LRRC9: variants seen among roughly 807,000 people sequenced by gnomAD.
The protein encoded by LRRC9 is leucine rich repeat containing 9, also known as leucine-rich repeat-containing protein 9.
LRRC9 carries 122 observed loss-of-function variants against 63.2 expected under a neutral mutation model. The ratio of observed to expected loss-of-function variants is 1.93; its 90% CI spans 1.67 to 2.24. The LOEUF (loss-of-function observed/expected upper bound fraction) is 2.24. Among genes scored for constraint, LRRC9 ranks in the 30% most tolerant of loss-of-function variants. The pLI, the probability that LRRC9 is intolerant of heterozygous loss-of-function variation, is 0.00. For missense variants in LRRC9, 1,071 were observed against 627.7 expected, an observed-to-expected ratio of 1.71 and a Z score of -7.55; for synonymous variants, 366 against 213.1, an observed-to-expected ratio of 1.72 and a Z score of -6.25.
chr14:59,970,126 TCCAGTAGGCC>T (rs1410301329), intron 12 of LRRC9, among the ~76,000 whole-genome samples: 2 of 81,782 alleles, frequency 2.4e-5, no homozygotes, highest in African/African-American at 9.4e-5. Flanking sequence ...ACCCCCTCCC[TCCAGTAGGCC>T]CCAGTATCTG....
rs1415727819 is a variant in LRRC9 at position 59,966,551 on chromosome 14, ATTTTC to A, written c.1212-35_1212-31del. Reference sequence around the variant, plus strand: ...TTAAACATTTTAAGGAAAATCTATTATTTTCTTCATGTATATTCTGTATGTATTCC... The same window carrying A: ...TTAAACATTTTAAGGAAAATCTATTATTCATGTATATTCTGTATGTATTCC... On this transcript the variant is annotated intron_variant, in intron 10 of 31. Coordinates refer to ENST00000445360, the Ensembl canonical transcript of LRRC9. This position sits in a 1 kb window ranked among gnomAD's most constrained non-coding sequence, Gnocchi z 4.0. 3.8e-6 allele frequency: 2 copies of A among 530,982 alleles called. No individual in the cohort carries two copies. Among genetic ancestry groups the A allele is most frequent in the Middle Eastern group, 3.9e-4 (1 of 2,590 alleles). 32.9% of individuals were successfully genotyped at this position (530,982 alleles called of 1,614,324 possible).
At chr14:60,007,886 G>A (rs1889943074) in intron 22 of LRRC9, among the ~76,000 whole-genome samples, 4 of 147,720 alleles carry the variant, frequency 2.7e-5, no homozygotes, top group Admixed American at 2.0e-4. Context: ...GCTGCAATGA[G>A]CTATGATCAG....
intron 12 of LRRC9, chr14:59,969,302 G>C (rs191430330): frequency 2.0e-5 from 3 of 151,830 alleles, no homozygotes; most frequent in Admixed American, 6.6e-5. Flanking sequence ...CTTCCTTTTT[G>C]TTCCCCATTT....
chr14:59,955,631 T>C (rs1398073806), intron 8 of LRRC9, among the ~76,000 whole-genome samples: 1 of 152,196 alleles, frequency 6.6e-6, no homozygotes, highest in East Asian at 1.9e-4. Flanking sequence ...GTTTTTCATG[T>C]CTCTACCTCC....
chr14:60,008,265 A>G (rs1889977722), intron 23 of LRRC9, 51 bp downstream of exon 23: 1 of 639,422 alleles, frequency 1.6e-6, no homozygotes, highest in South Asian at 1.8e-5. Flanking sequence ...ATAGTCACAT[A>G]TTTATAGGAC....
At chr14:59,921,325 G>C (rs999158516) in intron 1 of LRRC9, among the ~76,000 whole-genome samples, 7 of 152,160 alleles carry the variant, frequency 4.6e-5, no homozygotes, top group Admixed American at 4.6e-4. Context: ...AGCATGAGCA[G>C]ATTTACCTTT....
At position 59,977,104 on chromosome 14, in the gene LRRC9, G is replaced by C. The variant is rs1886375424; in HGVS notation, c.1640-121G>C. ...ATGCGCTGTACAGTAGCAAACAAGA[G>C]AGCCAGCATCTCTGCCTTTACAGAA... On this transcript the variant is annotated intron_variant, in intron 13 of 31. Transcript: ENST00000445360. 5.2e-6 allele frequency: 3 copies of C among 572,744 alleles called. No individual in the cohort carries two copies. The South Asian group carries it at 7.1e-5, about 14-fold the overall frequency. The allele number at this position is 572,744 out of a possible 1,614,324, so 35.5% of individuals were successfully genotyped here. A position where few individuals can be genotyped will look rare whatever the true frequency, so the allele number is the denominator to read the frequency against.
chr14:59,968,847 G>C (rs935739421), intron 12 of LRRC9, among the ~76,000 whole-genome samples: 1 of 152,102 alleles, frequency 6.6e-6, no homozygotes, highest in African/African-American at 2.4e-5. Flanking sequence ...ACAGCTCTCT[G>C]TGCTGCTCTG....
chr14:60,010,439 G>C (rs926162401), intron 23 of LRRC9, among the ~76,000 whole-genome samples: 10 of 129,936 alleles, frequency 7.7e-5, no homozygotes, highest in African/African-American at 2.6e-4. Context: ...ATAAAGTATG[G>C]GGGCCCTGGA....
rs1347583970 is a variant in LRRC9 at position 59,942,415 on chromosome 14, G to A, written c.727-2174G>A. Among the ~76,000 whole-genome samples, 2 of 152,086 alleles carry A rather than the reference G, an allele frequency of 1.3e-5. No homozygotes were observed. The highest frequency in any genetic ancestry group is 1.9e-4 in the East Asian group (1 of 5,198). ...TCTACTTTTAATTTTTTGAGAAAAC[G>A]CCATCCTGTTTTTCATAGTGGCTGT... On this transcript the variant is annotated intron_variant, in intron 7 of 31. Coordinates refer to ENST00000445360, the Ensembl canonical transcript of LRRC9. The surrounding 1 kb of genome is among the most constrained non-coding windows in gnomAD (Gnocchi z 5.3).
chr14:59,995,395 A>G (rs1199671753), intron 17 of LRRC9, among the ~76,000 whole-genome samples: 2 of 152,224 alleles, frequency 1.3e-5, no homozygotes, highest in Admixed American at 1.3e-4. Context: ...TATTGAAATA[A>G]TACTGAATAT....
intron 10 of LRRC9, among the ~76,000 whole-genome samples, chr14:59,963,922 T>A (rs1206656497): frequency 6.6e-6 from 1 of 152,222 alleles, no homozygotes; most frequent in Admixed American, 6.5e-5. Flanking sequence ...TAAAAACGTG[T>A]GTAGCCTACA....
At position 59,968,426 on chromosome 14, in the gene LRRC9, C is replaced by T. The variant is rs80144439; in HGVS notation, c.1506+1213C>T. Among the ~76,000 whole-genome samples the T allele has an allele frequency of 5.1e-3, 774 of 152,270 alleles. 5 individuals are homozygous for T. The highest frequency in any genetic ancestry group is 0.017 in the African/African-American group (726 of 41,550). ...ATGCTGGAAAATGGCTAAAATGGTA[C>T]ATTCTATCTTATGTATATTTTGCCA... On this transcript the variant is annotated intron_variant, in intron 12 of 31. Coordinates refer to ENST00000445360, the Ensembl canonical transcript of LRRC9.
chr14:59,948,519 G>T (rs1342242276), intron 8 of LRRC9, among the ~76,000 whole-genome samples: 2 of 118,250 alleles, frequency 1.7e-5, no homozygotes, highest in Non-Finnish European at 3.4e-5. Flanking sequence ...CTGCCTGATT[G>T]CCCTGGCCAG....
chr14:59,956,596 G>T (rs987469944), intron 8 of LRRC9, among the ~76,000 whole-genome samples: 1 of 152,128 alleles, frequency 6.6e-6, no homozygotes, highest in African/African-American at 2.4e-5. Flanking sequence ...TATCCAATTT[G>T]CCAGTCTGTG....
chr14:60,026,260 A>G (rs1217012312), intron 27 of LRRC9, among the ~76,000 whole-genome samples: 2 of 152,060 alleles, frequency 1.3e-5, no homozygotes, highest in African/African-American at 4.8e-5. Context: ...CCCTTTCTCT[A>G]TATCCTTGTC....
chr14:60,054,887 G>A (rs575098212), intron 30 of LRRC9, among the ~76,000 whole-genome samples: 8 of 151,770 alleles, frequency 5.3e-5, no homozygotes, highest in Non-Finnish European at 8.8e-5. Context: ...TCAGCATCCC[G>A]AGTAGCTGGG....
At chr14:60,011,285 G>A (rs537184422) in intron 23 of LRRC9, among the ~76,000 whole-genome samples, 2 of 152,212 alleles carry the variant, frequency 1.3e-5, no homozygotes, top group South Asian at 4.2e-4. Flanking sequence ...CAGATCTCAT[G>A]AGACTTATTC....
intron 16 of LRRC9, among the ~76,000 whole-genome samples, chr14:59,983,911 A>T (rs1295059410): frequency 6.6e-6 from 1 of 152,244 alleles, no homozygotes; most frequent in Non-Finnish European, 1.5e-5. Context: ...TGCACTATCC[A>T]AAGGAAAAAT....
Sources: gnomAD v4.1 joint callset for allele counts (sites outside exome capture counted in the v4.1 genomes callset) on GRCh38, gnomAD v4.1.1 for gene constraint, Gnocchi (gnomAD v3.1) non-coding constraint, MANE v1.5 for transcripts, NCBI Gene and HGNC (gene_info 2026-07-23, HGNC 2026-07-21) for gene names.